CSMD1: variants seen among roughly 807,000 people sequenced by gnomAD.
CSMD1 encodes the protein CUB and Sushi multiple domains 1.
In CSMD1, 213 loss-of-function variants were observed where a neutral mutation model predicts 417.5. The observed-to-expected ratio is 0.51, with a 90% confidence interval of 0.46 to 0.57. The LOEUF is 0.57. CSMD1 is among the 20% of genes least tolerant of loss of function. CSMD1 has a pLI of 0.00. For missense variants in CSMD1, 6,923 were observed against 4,529.7 expected, an observed-to-expected ratio of 1.53 and a Z score of -15.17; for synonymous variants, 2,862 against 1,736.8, an observed-to-expected ratio of 1.65 and a Z score of -16.11.
At chr8:4,881,567 C>G (rs1232910300) in intron 1 of CSMD1, among the ~76,000 whole-genome samples, 1 of 146,934 alleles carries the variant, frequency 6.8e-6, no homozygotes, top group Non-Finnish European at 1.5e-5. Flanking sequence ...ATTTACGCCT[C>G]AATATATTTT....
At chr8:4,449,624 A>G (rs77579184) in intron 2 of CSMD1, among the ~76,000 whole-genome samples, 2,015 of 152,304 alleles carry the variant, frequency 0.013, 37 homozygotes, top group African/African-American at 0.045. Context: ...TAGCCAGAAT[A>G]CATCTTGGAG....
chr8:3,775,192 A>G (rs1798833497), intron 5 of CSMD1, among the ~76,000 whole-genome samples: 1 of 152,246 alleles, frequency 6.6e-6, no homozygotes, highest in Admixed American at 6.5e-5. Flanking sequence ...TTAAGTCCAA[A>G]AAAGAATTTT....
intron 26 of CSMD1, among the ~76,000 whole-genome samples, chr8:3,273,413 C>A (rs1438351069): frequency 6.6e-6 from 1 of 152,076 alleles, no homozygotes; most frequent in African/African-American, 2.4e-5. Flanking sequence ...TGTGTCTCTG[C>A]CAGGCTTTGG....
intron 3 of CSMD1, among the ~76,000 whole-genome samples, chr8:4,047,253 G>A (rs1187496211): frequency 6.6e-6 from 1 of 152,100 alleles, no homozygotes; most frequent in African/African-American, 2.4e-5. Context: ...CATCTAAGTG[G>A]TAGGCACATG....
At chr8:3,510,613 T>C (rs1422025365) in intron 10 of CSMD1, among the ~76,000 whole-genome samples, 2 of 151,822 alleles carry the variant, frequency 1.3e-5, no homozygotes, top group Non-Finnish European at 2.9e-5. Context: ...CTGGTGACTC[T>C]CTTGCAGAAG....
intron 21 of CSMD1, among the ~76,000 whole-genome samples, chr8:3,352,949 G>A (rs1808513625): frequency 1.3e-5 from 2 of 152,094 alleles, no homozygotes; most frequent in Non-Finnish European, 2.9e-5. Context: ...ACAAAACTAA[G>A]CCCATGTTAC....
intron 65 of CSMD1, among the ~76,000 whole-genome samples, chr8:2,952,792 G>C (rs1802724000): frequency 1.3e-5 from 2 of 152,146 alleles, no homozygotes; most frequent in African/African-American, 4.8e-5. Flanking sequence ...GAATGGGCCA[G>C]GCCTGGCTGG....
At chr8:3,509,378 T>A (rs1796968033) in intron 10 of CSMD1, among the ~76,000 whole-genome samples, 2 of 152,306 alleles carry the variant, frequency 1.3e-5, no homozygotes, top group African/African-American at 2.4e-5. Context: ...TAAGAAAAAA[T>A]AATCCATTGC....
At chr8:3,311,093 C>CCTAA (rs140954311) in intron 23 of CSMD1, among the ~76,000 whole-genome samples, 48,512 of 151,700 alleles carry the variant, frequency 0.32, 9,075 homozygotes, top group Non-Finnish European at 0.43. Flanking sequence ...ATGTAATATA[C>CCTAA]CTAACTAACT....
At position 3,179,103 on chromosome 8, in the gene CSMD1, G is replaced by A. The variant is rs528075726; in HGVS notation, c.5725+2007C>T. 5.5e-4 allele frequency among the ~76,000 whole-genome samples: 83 copies of A among 151,468 alleles called. No individual in the cohort carries two copies. In the East Asian group the frequency reaches 6.3e-3, roughly 11 times the overall value. On this transcript the variant is annotated intron_variant, in intron 37 of 69. Transcript: ENST00000635120. ...GCTGGGACTACAGGCCCGCCACCACGCCTGGCTAATTCTTTGTATTTTTAG... is the reference window on the plus strand; with the variant it reads ...GCTGGGACTACAGGCCCGCCACCACACCTGGCTAATTCTTTGTATTTTTAG...
At chr8:4,579,492 A>G (rs1799312399) in intron 2 of CSMD1, among the ~76,000 whole-genome samples, 1 of 151,842 alleles carries the variant, frequency 6.6e-6, no homozygotes, top group African/African-American at 2.4e-5. Context: ...CCTCTTAAGT[A>G]GCTGGGATTA....
chr8:4,118,193 T>C (rs747949900), intron 3 of CSMD1, among the ~76,000 whole-genome samples: 2 of 152,016 alleles, frequency 1.3e-5, no homozygotes, highest in Admixed American at 6.6e-5. Flanking sequence ...TGCTGGCAAA[T>C]AGCTATTAAT....
intron 4 of CSMD1, among the ~76,000 whole-genome samples, chr8:4,016,172 A>G (rs954069167): frequency 2.6e-5 from 4 of 152,198 alleles, no homozygotes; most frequent in African/African-American, 9.7e-5. Context: ...TTGAACGTTC[A>G]TAACGTAACA....
chr8:3,376,720 C>T (rs997491555), intron 18 of CSMD1, among the ~76,000 whole-genome samples: 1 of 152,070 alleles, frequency 6.6e-6, no homozygotes, highest in Non-Finnish European at 1.5e-5. Context: ...TAAAAACACA[C>T]TGAACTGATG....
At chr8:4,299,223 T>C (rs1797850403) in intron 3 of CSMD1, among the ~76,000 whole-genome samples, 1 of 152,152 alleles carries the variant, frequency 6.6e-6, no homozygotes, top group Admixed American at 6.6e-5. Context: ...ATGTAAGTCA[T>C]CAGAATAAAA....
intron 3 of CSMD1, among the ~76,000 whole-genome samples, chr8:4,216,044 C>T (rs756305055): frequency 6.6e-6 from 1 of 152,180 alleles, no homozygotes; most frequent in Non-Finnish European, 1.5e-5. Context: ...CAGCTGCACA[C>T]CCACGCCAGC....
intron 7 of CSMD1, among the ~76,000 whole-genome samples, chr8:3,691,277 A>G (rs1800226382): frequency 6.6e-6 from 1 of 152,080 alleles, no homozygotes; most frequent in African/African-American, 2.4e-5. Context: ...CTGAAGCAGG[A>G]GATCACTTGA....
chr8:3,025,137 G>C (rs1025863613), intron 51 of CSMD1, among the ~76,000 whole-genome samples: 48 of 150,450 alleles, frequency 3.2e-4, no homozygotes, highest in African/African-American at 1.2e-3. Flanking sequence ...TGTGTATTGT[G>C]TGGTGTTATT....
chr8:4,807,813 G>C (rs1044034150), intron 1 of CSMD1, among the ~76,000 whole-genome samples: 2 of 152,080 alleles, frequency 1.3e-5, no homozygotes, highest in Non-Finnish European at 2.9e-5. Flanking sequence ...ATAGAAGCCA[G>C]CCATAATATT....
Sources: allele counts gnomAD v4.1 joint callset (sites outside exome capture counted in the v4.1 genomes callset), GRCh38; gene constraint gnomAD v4.1.1; transcripts MANE v1.5; gene names NCBI Gene and HGNC (gene_info 2026-07-23, HGNC 2026-07-21).